The following PRR14L variants were observed in gnomAD, a reference collection of about 807,000 sequenced individuals.
PRR14L encodes protein PRR14L.
Under a neutral mutation model 155.0 loss-of-function variants are expected in PRR14L, and 80 were observed. The ratio of observed to expected loss-of-function variants is 0.52; its 90% CI spans 0.43 to 0.62. The LOEUF (loss-of-function observed/expected upper bound fraction) is 0.62. PRR14L is among the 20% of genes least tolerant of loss of function. PRR14L has a pLI of 0.00. For synonymous variants in PRR14L, 883 were observed against 916.0 expected, an observed-to-expected ratio of 0.96 and a Z score of 0.65; for missense variants, 2,469 against 2,548.0, an observed-to-expected ratio of 0.97 and a Z score of 0.67.
At chr22:31,703,754 GGGT>G in intron 5 of PRR14L, 33 bp from the exon 6 acceptor site, 1 of 1,370,132 alleles carries the variant, frequency 7.3e-7, no homozygotes, top group Non-Finnish European at 9.7e-7. Context: ...GATATGAGAG[GGGT>G]TCCCTTTCTA....
intron 7 of PRR14L, among the ~76,000 whole-genome samples, chr22:31,697,000 A>C (rs1164729090): frequency 1.3e-5 from 2 of 152,144 alleles, no homozygotes; most frequent in Non-Finnish European, 2.9e-5. Context: ...CTGTGATACC[A>C]GCTACGCGGG....
intron 4 of PRR14L, among the ~76,000 whole-genome samples, chr22:31,709,790 C>T (rs936999325): frequency 3.3e-5 from 5 of 151,914 alleles, no homozygotes; most frequent in East Asian, 3.9e-4. Flanking sequence ...ATCTGCCGGC[C>T]GCAGCCTCCC....
chr22:31,685,767 T>C lies in PRR14L; in HGVS notation c.6216A>G (p.Arg2072=). ...LETIFEEPKE[R]NGTLISISQQ... The stretch of plus-strand genomic sequence containing the variant: ...GGCTGATTGAGATTAGTGTACCATT[T>C]CGTTCCTTGGGTTCCTCAAAGATGG... The change falls in exon 9 of 9, where the codon CGA becomes CGG. Residue 2072 remains arginine, a synonymous_variant. Coordinates refer to ENST00000327423, the MANE Select transcript of PRR14L (RefSeq NM_173566.3). 6.4e-7 allele frequency: 1 copy of C among 1,551,640 alleles called. No homozygotes were observed. Among genetic ancestry groups the C allele is most frequent in the South Asian group, 1.2e-5 (1 of 84,060 alleles).
chr22:31,745,201 C>A (rs890997858), intron 1 of PRR14L, among the ~76,000 whole-genome samples: 3 of 152,006 alleles, frequency 2.0e-5, no homozygotes, highest in African/African-American at 7.2e-5. Flanking sequence ...CACAGTGAAA[C>A]CCTGTCTCTA....
chr22:31,695,012 G>A (rs2074528949), intron 7 of PRR14L, among the ~76,000 whole-genome samples: 1 of 151,930 alleles, frequency 6.6e-6, no homozygotes, highest in African/African-American at 2.4e-5. Flanking sequence ...GAACCCAGGA[G>A]GCTGAAGTTG....
At position 31,703,581 on chromosome 22, in the gene PRR14L, C is replaced by T. The variant is rs2074573973; in HGVS notation, c.5969G>A (p.Cys1990Tyr). ...ELDGVKAACP[C>Y]PQSSPPEQKE... ...CTGTTCTGGGGGGCTGCTCTGTGGG[C>T]AGGGGCATGCTGCTTTCACACCATC... Residue 1990 changes from cysteine (C) to tyrosine (Y), a missense_variant, in exon 6 of 9, where the codon TGC becomes TAC. Cys to Tyr is a radical substitution (Grantham distance 194). Coordinates refer to ENST00000327423, the MANE Select transcript of PRR14L (RefSeq NM_173566.3). The T allele has an allele frequency of 1.2e-6, 2 of 1,613,710 alleles. No individual in the cohort carries two copies. The highest frequency in any genetic ancestry group is 8.5e-7 in the Non-Finnish European group (1 of 1,179,866).
At chr22:31,699,579 G>A (rs890518709) in intron 7 of PRR14L, among the ~76,000 whole-genome samples, 6 of 152,168 alleles carry the variant, frequency 3.9e-5, no homozygotes, top group African/African-American at 1.4e-4. Context: ...AACATTTTTG[G>A]TCCCAAGAAT....
At chr22:31,695,137 C>CA (rs940156753) in intron 7 of PRR14L, among the ~76,000 whole-genome samples, 1 of 152,036 alleles carries the variant, frequency 6.6e-6, no homozygotes, top group Non-Finnish European at 1.5e-5. Flanking sequence ...AATATACCCC[C>CA]AAAAAAAGAA....
chr22:31,733,389 C>CCGCCTTCCACCTTG (rs919586792), intron 2 of PRR14L, among the ~76,000 whole-genome samples: 1 of 146,574 alleles, frequency 6.8e-6, no homozygotes, highest in South Asian at 2.2e-4. Flanking sequence ...ACTGCAACCT[C>CCGCCTTCCACCTTG]CGCCTTTGGG....
Position 31,713,009 on chromosome 22 carries a change from G to C in PRR14L, c.4830C>G (p.Thr1610=). ...PLRSLNFRKT[T]KESALLNKLS... ...GCTTGTTTAGTAAGGCTGATTCTTTGGTAGTCTTCCTAAAATTCAGGCTCC... is the reference window on the plus strand; with the variant it reads ...GCTTGTTTAGTAAGGCTGATTCTTTCGTAGTCTTCCTAAAATTCAGGCTCC... The change falls in exon 4 of 9, where the codon ACC becomes ACG. Residue 1610 remains threonine (T), a synonymous_variant. Transcript: ENST00000327423. The C allele has an allele frequency of 6.4e-7, 1 of 1,552,110 alleles. No individual in the cohort carries two copies. Among genetic ancestry groups the C allele is most frequent in the Non-Finnish European group, 8.7e-7 (1 of 1,147,080 alleles).
At chr22:31,744,790 C>T (rs2074829233) in intron 1 of PRR14L, among the ~76,000 whole-genome samples, 1 of 152,194 alleles carries the variant, frequency 6.6e-6, no homozygotes, top group African/African-American at 2.4e-5. Flanking sequence ...TGTTGCTCCA[C>T]ATACGGTCAT....
chr22:31,724,189 C>T (rs1199372664), intron 3 of PRR14L, among the ~76,000 whole-genome samples: 1 of 152,144 alleles, frequency 6.6e-6, no homozygotes, highest in East Asian at 1.9e-4. Context: ...CTCAGGGCTC[C>T]CACTGATTCT....
At chr22:31,698,059 T>C (rs1303135205) in intron 7 of PRR14L, among the ~76,000 whole-genome samples, 1 of 73,968 alleles carries the variant, frequency 1.4e-5, no homozygotes, top group African/African-American at 3.3e-5. Flanking sequence ...ATGTTGTAAT[T>C]CTTTTTTTTT....
rs188251745 is a variant in PRR14L at position 31,695,479 on chromosome 22, C to T, written c.6107+6177G>A. The stretch of plus-strand genomic sequence containing the variant: ...AGTGGTGCGGCCAGGACATGTAGTC[C>T]CTCAGTGACTTTGCAGCCTTAGCTT... On this transcript the variant is annotated intron_variant, in intron 7 of 8. Transcript: ENST00000327423. 1.6e-3 allele frequency among the ~76,000 whole-genome samples: 242 copies of T among 152,178 alleles called. 2 individuals are homozygous for T. Among genetic ancestry groups the T allele is most frequent in the Non-Finnish European group, 5.1e-4 (35 of 68,016 alleles).
At chr22:31,745,046 T>C (rs995164833) in intron 1 of PRR14L, among the ~76,000 whole-genome samples, 9 of 152,134 alleles carry the variant, frequency 5.9e-5, no homozygotes, top group Admixed American at 4.6e-4. Context: ...GCTGGAACCC[T>C]AAGAGGTGAG....
intron 1 of PRR14L, among the ~76,000 whole-genome samples, chr22:31,746,680 ATACT>A (rs1001191019): frequency 2.0e-5 from 3 of 152,312 alleles, no homozygotes; most frequent in East Asian, 1.9e-4. Context: ...AAACTGACTA[ATACT>A]TACAGGAAGT....
At chr22:31,739,910 T>C (rs924933632) in intron 1 of PRR14L, among the ~76,000 whole-genome samples, 1 of 152,128 alleles carries the variant, frequency 6.6e-6, no homozygotes, top group Non-Finnish European at 1.5e-5. Flanking sequence ...GTACCAAACA[T>C]GCAGTTTCCA....
chr22:31,696,057 C>T (rs980145967), intron 7 of PRR14L, among the ~76,000 whole-genome samples: 2 of 152,034 alleles, frequency 1.3e-5, no homozygotes, highest in Admixed American at 1.3e-4. Context: ...TTTAGTGTAC[C>T]TAAAAACTTT....
intron 1 of PRR14L, among the ~76,000 whole-genome samples, chr22:31,745,152 C>T (rs900669341): frequency 6.6e-6 from 1 of 152,002 alleles, no homozygotes; most frequent in African/African-American, 2.4e-5. Flanking sequence ...ACAAGGCAGG[C>T]GGATCACGAG....
Sources: gnomAD v4.1 joint callset for allele counts (sites outside exome capture counted in the v4.1 genomes callset) on GRCh38, gnomAD v4.1.1 for gene constraint, MANE v1.5 for transcripts, NCBI Gene and HGNC (gene_info 2026-07-23, HGNC 2026-07-21) for gene names.